CFAP47: variants seen among roughly 807,000 people sequenced by gnomAD.
The protein encoded by CFAP47 is cilia and flagella associated protein 47.
Under a neutral mutation model 148.1 loss-of-function variants are expected in CFAP47, and 29 were observed. The ratio of observed to expected loss-of-function variants is 0.20; its 90% CI spans 0.15 to 0.27. The LOEUF (loss-of-function observed/expected upper bound fraction) is 0.27. Ranked by LOEUF, CFAP47 falls within the 10% of genes least tolerant of loss-of-function variation. The probability of loss-of-function intolerance (pLI) is 1.00; values close to 1 mark genes in which losing one functional copy is unlikely to be tolerated. For synonymous variants in CFAP47, 664 were observed against 577.3 expected (o/e 1.15, Z -2.15); for missense variants, 1,872 against 1,697.5 (o/e 1.10, Z -1.81).
chrX:36,043,698 A>G (rs1016105279), intron 25 of CFAP47, among the ~76,000 whole-genome samples: 5 of 112,462 alleles, frequency 4.4e-5, no homozygotes, highest in Non-Finnish European at 3.8e-5. Context: ...TGCCTTCACA[A>G]GCTGATGTTG....
intron 27 of CFAP47, among the ~76,000 whole-genome samples, chrX:36,070,467 C>T (rs768657578): frequency 7.6e-5 from 8 of 104,714 alleles, no homozygotes; most frequent in Middle Eastern, 5.1e-3. Context: ...AAACAGAGTG[C>T]GGGCAAAATT....
At chrX:36,002,980 T>A (rs1412868873) in intron 21 of CFAP47, among the ~76,000 whole-genome samples, 2 of 111,440 alleles carry the variant, frequency 1.8e-5, no homozygotes, top group Non-Finnish European at 3.8e-5. Flanking sequence ...GTTCAGTACT[T>A]CAGTTGAGAT....
intron 27 of CFAP47, among the ~76,000 whole-genome samples, chrX:36,067,828 A>C (rs1220209293): frequency 9.2e-6 from 1 of 108,552 alleles, no homozygotes; most frequent in Non-Finnish European, 1.9e-5. Flanking sequence ...ATGGCCGGCT[A>C]ATCTTTTTGT....
At chrX:36,019,128 C>T (rs890485854) in intron 22 of CFAP47, among the ~76,000 whole-genome samples, 1 of 111,547 alleles carries the variant, frequency 9.0e-6, no homozygotes, top group African/African-American at 3.3e-5. Flanking sequence ...CCTGACCCAG[C>T]GACAGATGAA....
chrX:36,358,497 T>C (rs1941802052), intron 60 of CFAP47, among the ~76,000 whole-genome samples: 1 of 111,993 alleles, frequency 8.9e-6, no homozygotes, highest in Non-Finnish European at 1.9e-5. Context: ...AATTGTGCCA[T>C]ATGACAAACC....
At chrX:36,336,181 A>G (rs1556014787) in intron 57 of CFAP47, among the ~76,000 whole-genome samples, 1 of 105,618 alleles carries the variant, frequency 9.5e-6, no homozygotes, top group Non-Finnish European at 1.9e-5. Flanking sequence ...AACCCAACAC[A>G]TTCTCTCTGT....
chrX:36,350,619 T>G (rs1556017334), intron 59 of CFAP47, among the ~76,000 whole-genome samples: 2 of 111,335 alleles, frequency 1.8e-5, no homozygotes, highest in Non-Finnish European at 3.8e-5. Context: ...TTTGCCAGAA[T>G]AAACACAATA....
intron 30 of CFAP47, among the ~76,000 whole-genome samples, chrX:36,088,740 TA>T (rs1289532954): frequency 8.9e-6 from 1 of 111,789 alleles, no homozygotes; most frequent in Non-Finnish European, 1.9e-5. Flanking sequence ...ATATCATATC[TA>T]ACATCCTTTG....
At chrX:35,981,501 T>C (rs998053201) in intron 15 of CFAP47, among the ~76,000 whole-genome samples, 3 of 109,911 alleles carry the variant, frequency 2.7e-5, no homozygotes, top group Non-Finnish European at 3.8e-5. Context: ...GGAGTGATGA[T>C]ATAACAATTA....
intron 40 of CFAP47, among the ~76,000 whole-genome samples, chrX:36,180,638 A>T (rs1278985882): frequency 8.9e-6 from 1 of 112,280 alleles, no homozygotes; most frequent in Non-Finnish European, 1.9e-5. Flanking sequence ...CTTGTATTTA[A>T]CTTAACACTT....
chrX:36,300,977 C>CA, intron 52 of CFAP47, 95 bp from the exon 53 acceptor site: 1 of 466,626 alleles, frequency 2.1e-6, no homozygotes, highest in South Asian at 3.2e-5. Context: ...TATTTAAAAC[C>CA]AACTATTTAT....
chrX:36,091,010 A>G (rs1938175368), intron 30 of CFAP47, among the ~76,000 whole-genome samples: 1 of 111,859 alleles, frequency 8.9e-6, no homozygotes, highest in African/African-American at 3.2e-5. Flanking sequence ...CAATTAGGAA[A>G]GTCAACTCTT....
rs996329829 is a variant in CFAP47 at position 36,051,772 on chromosome X, G to A, written c.4217+4709G>A. Among the ~76,000 whole-genome samples the A allele has an allele frequency of 2.7e-5, 3 of 110,902 alleles. No homozygotes were observed. In the Admixed American group the frequency reaches 2.9e-4, roughly 11 times the overall value. On this transcript the variant is annotated intron_variant, in intron 26 of 63. Transcript: ENST00000378653. The stretch of plus-strand genomic sequence containing the variant: ...ACATGAGATTTGAGAGGGGCCATGG[G>A]TGGAATGATGTGGTTTGGCTATGTC...
At chrX:36,238,156 T>C (rs1940494776) in intron 48 of CFAP47, among the ~76,000 whole-genome samples, 1 of 111,394 alleles carries the variant, frequency 9.0e-6, no homozygotes, top group Non-Finnish European at 1.9e-5. Context: ...ATAATTCCCA[T>C]GTGTCATGGG....
intron 39 of CFAP47, among the ~76,000 whole-genome samples, chrX:36,175,349 C>T (rs753392270): frequency 9.8e-5 from 11 of 112,316 alleles, no homozygotes; most frequent in Admixed American, 1.9e-4. Flanking sequence ...TGAGGAACTG[C>T]GTTCCTTTGG....
At position 36,037,987 on chromosome X, in the gene CFAP47, C is replaced by T. The variant is rs943280186; in HGVS notation, c.3812-997C>T. On this transcript the variant is annotated intron_variant, in intron 24 of 63. Transcript: ENST00000378653. ...GTAGGGAGCCCATTATTTTTCTATT[C>T]CTCCTCTCCTTTCTTCTCCAGCTGC... Among the ~76,000 whole-genome samples, 3 of 110,286 alleles carry T rather than the reference C, an allele frequency of 2.7e-5. No homozygotes were observed. The East Asian group carries it at 8.5e-4, about 31-fold the overall frequency.
At chrX:36,307,112 A>G (rs971358416) in intron 55 of CFAP47, among the ~76,000 whole-genome samples, 1 of 111,264 alleles carries the variant, frequency 9.0e-6, no homozygotes, top group Non-Finnish European at 1.9e-5. Flanking sequence ...ACCCAGATTT[A>G]AAACACAGAT....
In CFAP47 at chrX:35,982,235, G is replaced by A. The variant is rs745722257; in HGVS notation, c.2713+6322G>A. The stretch of plus-strand genomic sequence containing the variant: ...GACTGGTGTGAGATGGTATCTCATC[G>A]TGGTTTTGATTTACATTTCTCTAAT... On this transcript the variant is annotated intron_variant, in intron 15 of 63. Coordinates refer to ENST00000378653, the MANE Select transcript of CFAP47 (RefSeq NM_001304548.2). Among the ~76,000 whole-genome samples, 4 of 111,662 alleles carry A rather than the reference G, an allele frequency of 3.6e-5. No individual in the cohort carries two copies. In the South Asian group the frequency reaches 1.5e-3, roughly 42 times the overall value.
intron 39 of CFAP47, among the ~76,000 whole-genome samples, chrX:36,174,110 C>G (rs1428395689): frequency 7.8e-4 from 84 of 107,303 alleles, no homozygotes; most frequent in Non-Finnish European, 1.1e-3. Flanking sequence ...TTATCAGAGA[C>G]TAGGATTGCA....
Sources: allele counts gnomAD v4.1 joint callset (sites outside exome capture counted in the v4.1 genomes callset), GRCh38; gene constraint gnomAD v4.1.1; transcripts MANE v1.5; gene names NCBI Gene and HGNC (gene_info 2026-07-23, HGNC 2026-07-21).